SELENOS: variants seen among roughly 807,000 people sequenced by gnomAD.
SELENOS encodes selenoprotein S.
Under a neutral mutation model 30.2 loss-of-function variants are expected in SELENOS, and 37 were observed. That is an observed-to-expected ratio of 1.23 (90% CI 0.94 to 1.61). The LOEUF (loss-of-function observed/expected upper bound fraction) is 1.61. SELENOS is among the 40% of genes most tolerant of loss of function. The pLI is 0.00. For synonymous variants in SELENOS, 119 were observed against 91.6 expected, an observed-to-expected ratio of 1.30 and a Z score of -1.71; for missense variants, 289 against 231.8, an observed-to-expected ratio of 1.25 and a Z score of -1.60.
chr15:101,270,847 C>G (rs547830875), downstream of SELENOS: 7 of 152,286 alleles, frequency 4.6e-5, 1 homozygote, highest in East Asian at 1.4e-3. Context: ...TTACACAACG[C>G]AAGTTTCCCC....
intron 3 of SELENOS, 57 bp from the exon 4 acceptor site, chr15:101,274,738 A>T: frequency 6.7e-7 from 1 of 1,487,382 alleles, no homozygotes; most frequent in Non-Finnish European, 9.1e-7. Flanking sequence ...TCTCTCAAAG[A>T]CAAAGCTAAC....
Position 101,272,494 on chromosome 15 carries a change from T to C in SELENOS, c.*277A>G. 2.8e-6 allele frequency: 1 copy of C among 356,372 alleles called. No individual in the cohort carries two copies. The highest frequency in any genetic ancestry group is 5.2e-6 in the Non-Finnish European group (1 of 192,632). 22.1% of individuals were successfully genotyped at this position (356,372 alleles called of 1,614,324 possible). On this transcript the variant is annotated 3_prime_UTR_variant, in exon 6 of 6. Coordinates refer to ENST00000526049, the MANE Select transcript of SELENOS (RefSeq NM_018445.6). ...ACTAGGCCTCTTTTATCAAGATTGC[T>C]AATCATCTAGAGGCCTTTACCTACC...
intron 2 of SELENOS, among the ~76,000 whole-genome samples, chr15:101,276,114 G>C (rs1431527304): frequency 1.3e-5 from 2 of 151,694 alleles, no homozygotes; most frequent in African/African-American, 2.4e-5. Flanking sequence ...GTAGAGACAG[G>C]GTTTCACCAT....
At chr15:101,274,214 A>G in intron 5 of SELENOS, 1 of 634,506 alleles carries the variant, frequency 1.6e-6, no homozygotes, top group Non-Finnish European at 2.7e-6. Flanking sequence ...AGAAGGATCA[A>G]GTTAGAATAC....
intron 1 of SELENOS, chr15:101,277,133 G>A (rs1463560001): frequency 1.2e-6 from 1 of 864,704 alleles, no homozygotes; most frequent in Non-Finnish European, 1.9e-6. Flanking sequence ...GCAAACAAGG[G>A]ACAGCCGAGC....
chr15:101,277,238 G>A, intron 1 of SELENOS, 104 bp downstream of exon 1: 2 of 1,508,362 alleles, frequency 1.3e-6, no homozygotes, highest in Non-Finnish European at 1.8e-6. Flanking sequence ...CCGTTCCCAG[G>A]CCTCCCAGGC....
At chr15:101,277,307 G>C (rs2039339800) in intron 1 of SELENOS, 35 bp downstream of exon 1, 1 of 1,503,414 alleles carries the variant, frequency 6.7e-7, no homozygotes, top group South Asian at 1.3e-5. Flanking sequence ...TCGCAAAAGT[G>C]GCGGCGCGCG....
downstream of SELENOS, chr15:101,271,294 AC>A (rs1370141705): frequency 6.6e-6 from 1 of 152,234 alleles, no homozygotes; most frequent in African/African-American, 2.4e-5. Flanking sequence ...ATCCAAGTAT[AC>A]CATTTCCCAC....
downstream of SELENOS, chr15:101,271,305 C>A (rs986784721): frequency 6.6e-6 from 1 of 152,224 alleles, no homozygotes; most frequent in African/African-American, 2.4e-5. Context: ...CCATTTCCCA[C>A]GTCGTAAATC....
intron 2 of SELENOS, among the ~76,000 whole-genome samples, 164 bp from the exon 3 acceptor site, chr15:101,275,525 T>G (rs966534826): frequency 6.7e-6 from 1 of 148,706 alleles, no homozygotes; most frequent in Admixed American, 6.6e-5. Context: ...ATTTTACTGC[T>G]TCAGGGGGCA....
Position 101,274,429 on chromosome 15 carries a change from G to A in SELENOS, c.475C>T (p.Arg159Trp), listed in dbSNP as rs377126374. The part of the protein sequence containing the change: ...LKRKSDRKPL[R>W]GGGYNPLSGE... Reference sequence around the variant, plus strand: ...CATCAGTGGTGCTTACCTCCTCCCCGCAAAGGCTTTCTGTCCGATTTCCGT... The same window carrying A: ...CATCAGTGGTGCTTACCTCCTCCCCACAAAGGCTTTCTGTCCGATTTCCGT... The change falls in exon 5 of 6, where the codon CGG (arginine) becomes TGG (tryptophan). Residue 159 changes from arginine (R) to tryptophan (W), a missense_variant. By Grantham distance (101) the Arg-to-Trp change is moderately radical. Coordinates refer to ENST00000526049, the MANE Select transcript of SELENOS (RefSeq NM_018445.6). 1.8e-5 allele frequency: 29 copies of A among 1,607,040 alleles called. No homozygotes were observed. In the African/African-American group the frequency reaches 2.9e-4, roughly 16 times the overall value.
In SELENOS at chr15:101,275,367, A is replaced by G; in HGVS notation, c.212-6T>C. On this transcript the variant is annotated splice_polypyrimidine_tract_variant and splice_region_variant and intron_variant, in intron 2 of 5. Coordinates refer to ENST00000526049, the MANE Select transcript of SELENOS (RefSeq NM_018445.6). ...TTTAACAACAACATCAGGTTCTAAA[A>G]TGTCAGAAAAAAATGGAGATAAAGC... The G allele has an allele frequency of 3.2e-6, 5 of 1,552,140 alleles. No individual in the cohort carries two copies. The highest frequency in any genetic ancestry group is 3.5e-6 in the Non-Finnish European group (4 of 1,149,280).
chr15:101,275,458 A>G, intron 2 of SELENOS, 97 bp from the exon 3 acceptor site: 2 of 972,136 alleles, frequency 2.1e-6, no homozygotes, highest in Non-Finnish European at 2.9e-6. Context: ...AGAGGTATGG[A>G]TATCAGACAA....
Position 101,277,421 on chromosome 15 carries a change from C to A in SELENOS, c.-4G>T. 38 of 1,431,406 alleles carry A rather than the reference C, an allele frequency of 2.7e-5. No homozygotes were observed. Among genetic ancestry groups the A allele is most frequent in the Non-Finnish European group, 3.5e-5 (38 of 1,097,042 alleles). The allele number at this position is 1,431,406 out of a possible 1,614,324, so 88.7% of individuals were successfully genotyped here. On this transcript the variant is annotated 5_prime_UTR_variant, in exon 1 of 6. Coordinates refer to ENST00000526049, the MANE Select transcript of SELENOS (RefSeq NM_018445.6). ...GAGACTCCTCTTGGCGTTCCATGAC[C>A]GCCGCCGCCGCCGCCGCCCAGCCCT...
intron 2 of SELENOS, 127 bp downstream of exon 2, chr15:101,276,414 A>T (rs1197923493): frequency 1.6e-5 from 16 of 975,168 alleles, no homozygotes; most frequent in Admixed American, 3.9e-5. Flanking sequence ...ACTCCCGGCT[A>T]TTTTTTTTTT....
intron 3 of SELENOS, 62 bp from the exon 4 acceptor site, chr15:101,274,743 G>C: frequency 6.8e-7 from 1 of 1,465,110 alleles, no homozygotes. Flanking sequence ...CAAAGACAAA[G>C]CTAACTCTGA....
At chr15:101,277,143 C>T in intron 1 of SELENOS, 199 bp downstream of exon 1, 3 of 916,990 alleles carry the variant, frequency 3.3e-6, no homozygotes, top group Admixed American at 2.0e-5. Context: ...GACAGCCGAG[C>T]CGCCCAGGGA....
chr15:101,274,811 T>C (rs781484091), intron 3 of SELENOS, 130 bp from the exon 4 acceptor site: 1 of 1,013,980 alleles, frequency 9.9e-7, no homozygotes, highest in Middle Eastern at 2.8e-4. Flanking sequence ...CTTTAGTTAA[T>C]AAAACTGTTG....
intron 5 of SELENOS, 168 bp downstream of exon 5, chr15:101,274,252 G>C (rs374425250): frequency 8.1e-6 from 6 of 739,110 alleles, no homozygotes; most frequent in East Asian, 2.7e-5. Flanking sequence ...TAAGTACTTA[G>C]TGAGGACCTA....
Sources: gnomAD v4.1 joint callset for allele counts (sites outside exome capture counted in the v4.1 genomes callset) on GRCh38, gnomAD v4.1.1 for gene constraint, MANE v1.5 for transcripts, NCBI Gene and HGNC (gene_info 2026-07-23, HGNC 2026-07-21) for gene names.